Variants in PTPRD observed in about 807,000 individuals in gnomAD.
PTPRD encodes the protein receptor-type tyrosine-protein phosphatase delta.
In PTPRD, 34 loss-of-function variants were observed where a neutral mutation model predicts 214.5. The observed-to-expected ratio is 0.16, with a 90% CI of 0.12 to 0.21. The LOEUF (loss-of-function observed/expected upper bound fraction) is 0.21, where lower values mean the gene tolerates loss of function less well. Among genes scored for constraint, PTPRD ranks in the 10% least tolerant of loss-of-function variants. The pLI is 1.00. For missense variants in PTPRD, 2,545 were observed against 2,398.7 expected (o/e 1.06, Z -1.27); for synonymous variants, 1,128 against 845.7 (o/e 1.33, Z -5.79).
intron 10 of PTPRD, among the ~76,000 whole-genome samples, chr9:9,163,212 T>G (rs1172186610): frequency 6.6e-6 from 1 of 152,136 alleles, no homozygotes; most frequent in Non-Finnish European, 1.5e-5. Flanking sequence ...CCCAAATCTC[T>G]TCCTTCAGTA....
chr9:8,519,093 A>G (rs2097842986), intron 20 of PTPRD, among the ~76,000 whole-genome samples: 1 of 152,136 alleles, frequency 6.6e-6, no homozygotes, highest in Admixed American at 6.5e-5. Flanking sequence ...AAAAACCAAA[A>G]ATTTTAAGGT....
intron 5 of PTPRD, among the ~76,000 whole-genome samples, chr9:9,778,104 A>G (rs1336830213): frequency 1.3e-5 from 2 of 152,214 alleles, no homozygotes; most frequent in East Asian, 1.9e-4. Flanking sequence ...GTTATTGACT[A>G]AACTACCATA....
chr9:9,248,012 T>C (rs1253795772), intron 9 of PTPRD, among the ~76,000 whole-genome samples: 2 of 152,092 alleles, frequency 1.3e-5, no homozygotes, highest in Admixed American at 6.6e-5. Context: ...TTTATATCTC[T>C]TGCAGTACAC....
intron 2 of PTPRD, among the ~76,000 whole-genome samples, chr9:10,501,988 A>C (rs1054051695): frequency 6.6e-6 from 1 of 151,942 alleles, no homozygotes; most frequent in Non-Finnish European, 1.5e-5. Flanking sequence ...TCCTCAGGAG[A>C]TTCTAGTGTA....
intron 5 of PTPRD, among the ~76,000 whole-genome samples, chr9:9,787,344 G>A (rs889235715): frequency 1.3e-5 from 2 of 149,828 alleles, no homozygotes; most frequent in East Asian, 3.9e-4. Flanking sequence ...AGGTCCAATT[G>A]GTTTATGATA....
chr9:8,797,851 G>A (rs1192257556), intron 11 of PTPRD, among the ~76,000 whole-genome samples: 1 of 149,756 alleles, frequency 6.7e-6, no homozygotes, highest in Non-Finnish European at 1.5e-5. Context: ...CAGACTCTCA[G>A]AAAATAAATT....
chr9:8,703,765 T>C (rs1237021305), intron 12 of PTPRD, among the ~76,000 whole-genome samples: 1 of 152,154 alleles, frequency 6.6e-6, no homozygotes, highest in Non-Finnish European at 1.5e-5. Flanking sequence ...TCCAAGAGAA[T>C]ATCCCCAGCC....
intron 8 of PTPRD, among the ~76,000 whole-genome samples, chr9:9,442,634 T>C (rs1207278495): frequency 6.6e-6 from 1 of 152,182 alleles, no homozygotes; most frequent in African/African-American, 2.4e-5. Flanking sequence ...TATTTATCTG[T>C]GCATGTGAGT....
chr9:8,625,154 A>G (rs749404833), intron 14 of PTPRD, among the ~76,000 whole-genome samples: 2 of 151,868 alleles, frequency 1.3e-5, no homozygotes, highest in Non-Finnish European at 2.9e-5. Flanking sequence ...TCACATAGTA[A>G]AAAGTGCTAT....
chr9:8,883,569 A>T (rs1566816514), intron 11 of PTPRD, among the ~76,000 whole-genome samples: 1 of 152,172 alleles, frequency 6.6e-6, no homozygotes, highest in Non-Finnish European at 1.5e-5. Context: ...ACTTAATTGG[A>T]TTTAGATCTA....
intron 32 of PTPRD, among the ~76,000 whole-genome samples, chr9:8,464,376 C>T (rs1275903115): frequency 6.6e-6 from 1 of 152,014 alleles, no homozygotes; most frequent in African/African-American, 2.4e-5. Flanking sequence ...CATATCTGAA[C>T]ATTAAAATTC....
rs923517141 is a variant in PTPRD, at chr9:9,251,501, A to T, written c.-202-68138T>A. On this transcript the variant is annotated intron_variant, in intron 9 of 45. Coordinates refer to ENST00000381196, the MANE Select transcript of PTPRD (RefSeq NM_002839.4). ...TTATTTTGAAAACTACTATTCATTAATTTTTAAAAGCCGGCTCAAGGGTGT... is the reference window on the plus strand; with the variant it reads ...TTATTTTGAAAACTACTATTCATTATTTTTTAAAAGCCGGCTCAAGGGTGT... Among the ~76,000 whole-genome samples the T allele has an allele frequency of 2.0e-5, 3 of 151,934 alleles. No individual in the cohort carries two copies. The East Asian group carries it at 5.8e-4, about 30-fold the overall frequency.
intron 10 of PTPRD, among the ~76,000 whole-genome samples, chr9:9,037,977 T>C (rs2099627301): frequency 6.6e-6 from 1 of 152,158 alleles, no homozygotes; most frequent in Admixed American, 6.5e-5. Context: ...TAGTTCATCA[T>C]CTATAAAATG....
At chr9:9,461,960 G>A (rs1214498757) in intron 8 of PTPRD, among the ~76,000 whole-genome samples, 2 of 152,002 alleles carry the variant, frequency 1.3e-5, no homozygotes, top group Non-Finnish European at 2.9e-5. Context: ...CTCCTTCCTT[G>A]TATTATAGTA....
intron 12 of PTPRD, among the ~76,000 whole-genome samples, chr9:8,703,683 G>A (rs975505359): frequency 2.0e-5 from 3 of 152,018 alleles, no homozygotes; most frequent in South Asian, 2.1e-4. Context: ...TGAACCCTAC[G>A]GCATTGTTAT....
intron 5 of PTPRD, among the ~76,000 whole-genome samples, chr9:9,816,949 G>C (rs1339556272): frequency 2.0e-5 from 3 of 151,894 alleles, no homozygotes; most frequent in African/African-American, 4.8e-5. Context: ...ACAATTAATA[G>C]AAAATAAGGA....
chr9:8,620,227 G>A (rs913327837), intron 14 of PTPRD, among the ~76,000 whole-genome samples: 6 of 151,956 alleles, frequency 3.9e-5, no homozygotes, highest in African/African-American at 1.4e-4. Flanking sequence ...AGCAAATAGA[G>A]GTTCTGTATC....
intron 11 of PTPRD, among the ~76,000 whole-genome samples, chr9:8,960,624 A>G (rs2099153942): frequency 6.6e-6 from 1 of 152,126 alleles, no homozygotes; most frequent in Non-Finnish European, 1.5e-5. Flanking sequence ...GCTCCATTTT[A>G]AAGATCTGTT....
intron 10 of PTPRD, among the ~76,000 whole-genome samples, chr9:9,180,460 G>T (rs900009268): frequency 4.6e-5 from 5 of 109,648 alleles, no homozygotes; most frequent in African/African-American, 1.7e-4. Flanking sequence ...GGTGGGGGGA[G>T]GGCGGAGGGA....
Sources: allele counts gnomAD v4.1 joint callset (sites outside exome capture counted in the v4.1 genomes callset), GRCh38; gene constraint gnomAD v4.1.1; transcripts MANE v1.5; gene names NCBI Gene and HGNC (gene_info 2026-07-23, HGNC 2026-07-21).